Variants in NCAM2 observed in about 807,000 individuals in gnomAD.
The protein encoded by NCAM2 is N-CAM-2.
A neutral mutation model predicts 98.1 loss-of-function variants in NCAM2; 30 were observed. The observed-to-expected ratio is 0.31, with a 90% CI of 0.23 to 0.41. The LOEUF (loss-of-function observed/expected upper bound fraction) is 0.41. Among genes scored for constraint, NCAM2 ranks in the 10% least tolerant of loss-of-function variants. The probability of loss-of-function intolerance (pLI) is 1.00; values close to 1 mark genes in which losing one functional copy is unlikely to be tolerated. For synonymous variants in NCAM2, 368 were observed against 342.4 expected (o/e 1.07, Z -0.83); for missense variants, 867 against 1,005.8 (o/e 0.86, Z 1.87).
intron 1 of NCAM2, among the ~76,000 whole-genome samples, chr21:21,160,207 G>C (rs1247132261): frequency 2.0e-5 from 3 of 151,904 alleles, no homozygotes; most frequent in African/African-American, 7.3e-5. Flanking sequence ...ACATCATGTG[G>C]ACAAAAAGAC....
At chr21:21,061,232 A>G (rs995585697) in intron 1 of NCAM2, among the ~76,000 whole-genome samples, 5 of 152,164 alleles carry the variant, frequency 3.3e-5, no homozygotes, top group Non-Finnish European at 7.4e-5. Context: ...ACCTGTGTTC[A>G]ATATTTTCTT....
chr21:21,242,479 C>T (rs1346321346), intron 1 of NCAM2, among the ~76,000 whole-genome samples: 1 of 152,066 alleles, frequency 6.6e-6, no homozygotes, highest in Non-Finnish European at 1.5e-5. Flanking sequence ...TTAGCAACAT[C>T]TCCTCGTTTC....
chr21:21,133,850 C>T (rs529231348), intron 1 of NCAM2, among the ~76,000 whole-genome samples: 6 of 152,256 alleles, frequency 3.9e-5, no homozygotes, highest in East Asian at 3.9e-4. Context: ...ACAGGATACC[C>T]ATAGAGAAAA....
chr21:21,256,142 G>A (rs1448245023), intron 1 of NCAM2, among the ~76,000 whole-genome samples: 1 of 151,976 alleles, frequency 6.6e-6, no homozygotes, highest in East Asian at 1.9e-4. Context: ...ATCACCTGAG[G>A]TCAGGAGTTC....
chr21:21,192,352 A>T (rs1218118892), intron 1 of NCAM2, among the ~76,000 whole-genome samples: 3 of 152,226 alleles, frequency 2.0e-5, no homozygotes, highest in Admixed American at 6.5e-5. Context: ...CAAAGTGTAG[A>T]GGAAACTGTT....
At chr21:21,385,732 C>A in intron 9 of NCAM2, 1 of 1,021,172 alleles carries the variant, frequency 9.8e-7, no homozygotes, top group Non-Finnish European at 1.3e-6. Context: ...ATGTGATATA[C>A]AGTTTAATGC....
At chr21:21,324,256 G>T (rs1016680350) in intron 5 of NCAM2, 127 bp from the exon 6 acceptor site, 2 of 617,634 alleles carry the variant, frequency 3.2e-6, no homozygotes, top group Non-Finnish European at 5.6e-6. Context: ...AACCAAATCA[G>T]TTTCATTAAT....
intron 9 of NCAM2, among the ~76,000 whole-genome samples, chr21:21,399,200 C>T (rs2076577827): frequency 6.6e-6 from 1 of 152,078 alleles, no homozygotes; most frequent in Non-Finnish European, 1.5e-5. Flanking sequence ...CTCCAGAATT[C>T]GTTTTGAAAA....
intron 1 of NCAM2, among the ~76,000 whole-genome samples, chr21:21,191,499 A>G (rs980266071): frequency 1.3e-5 from 2 of 152,162 alleles, no homozygotes; most frequent in African/African-American, 2.4e-5. Flanking sequence ...CAGTTATTCT[A>G]TATGCAACTT....
At chr21:21,424,480 G>C (rs1165924173) in intron 11 of NCAM2, among the ~76,000 whole-genome samples, 2 of 152,124 alleles carry the variant, frequency 1.3e-5, no homozygotes, top group Non-Finnish European at 2.9e-5. Context: ...GGAGTTCTTG[G>C]AAAAGGCTTT....
At position 21,516,911 on chromosome 21, in the gene NCAM2, CTCTT is replaced by C. The variant is rs1988745373; in HGVS notation, c.2282+7862_2282+7865del. On this transcript the variant is annotated intron_variant, in intron 16 of 17. Transcript: ENST00000400546. ...TTTTCTCTGTGTTTCCTCCTCAGTTCTCTTTCTTTATGTATAATTTATCCCATAA... is the reference window on the plus strand; with the variant it reads ...TTTTCTCTGTGTTTCCTCCTCAGTTCTCTTTATGTATAATTTATCCCATAA... 3.3e-5 allele frequency among the ~76,000 whole-genome samples: 5 copies of C among 152,244 alleles called. No homozygotes were observed. In the South Asian group the frequency reaches 8.3e-4, roughly 25 times the overall value.
intron 1 of NCAM2, among the ~76,000 whole-genome samples, chr21:21,070,102 G>A (rs943049678): frequency 2.6e-5 from 4 of 151,946 alleles, no homozygotes; most frequent in African/African-American, 9.7e-5. Context: ...TGCCTGGTTC[G>A]TGAAAATTTG....
intron 12 of NCAM2, among the ~76,000 whole-genome samples, chr21:21,462,446 T>G (rs1569089036): frequency 6.6e-6 from 1 of 152,044 alleles, no homozygotes; most frequent in Non-Finnish European, 1.5e-5. Context: ...CTATAGCCTC[T>G]ACTTCTCTTG....
chr21:21,091,943 A>G (rs996708335), intron 1 of NCAM2, among the ~76,000 whole-genome samples: 10 of 152,138 alleles, frequency 6.6e-5, no homozygotes, highest in African/African-American at 2.2e-4. Context: ...TACATTAAGT[A>G]GGGGCTCGGT....
intron 1 of NCAM2, among the ~76,000 whole-genome samples, chr21:21,030,478 G>A (rs73230136): frequency 6.6e-6 from 1 of 151,922 alleles, no homozygotes; most frequent in East Asian, 1.9e-4. Flanking sequence ...CCTTTTTAAG[G>A]GCTCTTGGGA....
chr21:21,512,454 T>A (rs148657565), intron 16 of NCAM2, among the ~76,000 whole-genome samples: 1 of 152,042 alleles, frequency 6.6e-6, no homozygotes, highest in Admixed American at 6.6e-5. Flanking sequence ...TGTGTGTCTG[T>A]TTTTATGCCA....
Position 21,048,153 on chromosome 21 carries a change from C to T in NCAM2, c.55+49535C>T, listed in dbSNP as rs551671222. Among the ~76,000 whole-genome samples, 5 of 152,260 alleles carry T rather than the reference C, an allele frequency of 3.3e-5. No homozygotes were observed. The South Asian group carries it at 1.0e-3, about 32-fold the overall frequency. On this transcript the variant is annotated intron_variant, in intron 1 of 17. Coordinates refer to ENST00000400546, the MANE Select transcript of NCAM2 (RefSeq NM_004540.5). ...AATAAGAAACATTTTACAACCTGCT[C>T]TCTCTGAAGTCTGCTATCTGAGAGC...
intron 1 of NCAM2, among the ~76,000 whole-genome samples, chr21:21,153,030 T>A (rs1177384530): frequency 1.3e-5 from 2 of 151,972 alleles, no homozygotes; most frequent in East Asian, 3.9e-4. Context: ...TTTTTCCCCC[T>A]TCTCTCAGGG....
chr21:21,179,674 A>T (rs2068406417), intron 1 of NCAM2, among the ~76,000 whole-genome samples: 1 of 152,220 alleles, frequency 6.6e-6, no homozygotes, highest in Admixed American at 6.5e-5. Flanking sequence ...TTATAGAAGT[A>T]AACATCTCTG....
Sources: allele counts gnomAD v4.1 joint callset (sites outside exome capture counted in the v4.1 genomes callset), GRCh38; gene constraint gnomAD v4.1.1; transcripts MANE v1.5; gene names NCBI Gene and HGNC (gene_info 2026-07-23, HGNC 2026-07-21).